RAD17: variants seen among roughly 807,000 people sequenced by gnomAD.
RAD17 encodes cell cycle checkpoint protein RAD17.
RAD17 carries 31 observed loss-of-function variants against 81.5 expected under a neutral mutation model. That is an observed-to-expected ratio of 0.38 (90% confidence interval 0.29 to 0.51). The LOEUF (loss-of-function observed/expected upper bound fraction) is 0.51. Among genes scored for constraint, RAD17 ranks in the 20% least tolerant of loss-of-function variants. The pLI is 0.88. For synonymous variants in RAD17, 261 were observed against 266.2 expected, an observed-to-expected ratio of 0.98 and a Z score of 0.19; for missense variants, 681 against 781.2, an observed-to-expected ratio of 0.87 and a Z score of 1.53.
At chr5:69,391,402 A>AT (rs1331935827) in intron 12 of RAD17, among the ~76,000 whole-genome samples, 1 of 152,280 alleles carries the variant, frequency 6.6e-6, no homozygotes, top group Admixed American at 6.5e-5. Flanking sequence ...AGGATTGCAG[A>AT]TTTTTTTAAG....
In RAD17 at chr5:69,377,600, T is replaced by TATATATGTATACATATATATGC. The variant is rs1554038760; in HGVS notation, c.351+2895_351+2896insGTATACATATATATGCATATAT. ...ATATATGTATACATATATATATGCA[T>TATATATGTATACATATATATGC]ATATATATGTATACATATATATGCA... On this transcript the variant is annotated intron_variant, in intron 6 of 18. Coordinates refer to ENST00000354868, the MANE Select transcript of RAD17 (RefSeq NM_133338.3). Among the ~76,000 whole-genome samples the TATATATGTATACATATATATGC allele has an allele frequency of 8.0e-3, 57 of 7,102 alleles. 13 individuals are homozygous for TATATATGTATACATATATATGC. The highest frequency in any genetic ancestry group is 0.018 in the Non-Finnish European group (26 of 1,452). 4.7% of individuals were successfully genotyped at this position (7,102 alleles called of 152,430 possible).
upstream of RAD17, chr5:69,369,443 T>C (rs1321406499): frequency 3.1e-6 from 5 of 1,608,502 alleles, no homozygotes; most frequent in African/African-American, 6.7e-5. Context: ...GCCCAGTCCC[T>C]CCCGGCCGCG....
intron 17 of RAD17, among the ~76,000 whole-genome samples, chr5:69,401,549 G>A (rs1261848984): frequency 2.0e-5 from 3 of 152,080 alleles, no homozygotes; most frequent in Non-Finnish European, 2.9e-5. Context: ...ACATTACTAT[G>A]CCTGTGGCAG....
rs1762981203 is a variant in RAD17 at position 69,371,436 on chromosome 5, T to TTCCCC, written c.-279-18_-279-17insTCCCC. The TTCCCC allele has an allele frequency of 7.1e-6, 2 of 282,838 alleles. No individual in the cohort carries two copies. Among genetic ancestry groups the TTCCCC allele is most frequent in the Admixed American group, 4.5e-5 (1 of 22,018 alleles). The allele number at this position is 282,838 out of a possible 1,614,324, so 17.5% of individuals were successfully genotyped here. A position where few individuals can be genotyped will look rare whatever the true frequency, so the allele number is the denominator to read the frequency against. On this transcript the variant is annotated splice_polypyrimidine_tract_variant and intron_variant, in intron 2 of 18. Transcript: ENST00000354868. ...AGTTTTTCTTCATTTGAGGGCTTCTTCCCCCCCCCCCCCCCAGGTGAATTA... is the reference window on the plus strand; with the variant it reads ...AGTTTTTCTTCATTTGAGGGCTTCTTTCCCCCCCCCCCCCCCCCCCAGGTGAATTA...
At chr5:69,371,010 T>G (rs1395310684) in intron 1 of RAD17, 25 bp from the exon 2 acceptor site, 1 of 237,980 alleles carries the variant, frequency 4.2e-6, no homozygotes, top group African/African-American at 2.3e-5. Flanking sequence ...TTTTACAGTT[T>G]AAGACTTAAA....
rs1561239425 is a variant in RAD17, at chr5:69,377,550, C to CGTATATATATGCAT, written c.351+2839_351+2840insGTATATATATGCAT. On this transcript the variant is annotated intron_variant, in intron 6 of 18. Transcript: ENST00000354868. ...ATGTGTATATATACGTATATATATG[C>CGTATATATATGCAT]ATATATATGTATATATATATGCATA... Among the ~76,000 whole-genome samples the CGTATATATATGCAT allele has an allele frequency of 3.9e-4, 2 of 5,106 alleles. 1 individual carries two copies. Among genetic ancestry groups the CGTATATATATGCAT allele is most frequent in the African/African-American group, 8.6e-4 (2 of 2,328 alleles). The allele number at this position is 5,106 out of a possible 152,430, so 3.3% of individuals were successfully genotyped here. A position where few individuals can be genotyped will look rare whatever the true frequency, so the allele number is the denominator to read the frequency against.
Position 69,374,640 on chromosome 5 carries a change from G to A in RAD17, c.280G>A (p.Val94Met), listed in dbSNP as rs1322163031. The A allele has an allele frequency of 1.9e-6, 3 of 1,609,680 alleles. No individual in the cohort carries two copies. In the East Asian group the frequency reaches 6.7e-5, roughly 36 times the overall value. ...ATTTTTGTTGTAGCATGAACTTGCT[G>A]TGCATAAAAAGAAAATTGAAGAAGT... ...YKPETQHELA[V>M]HKKKIEEVET... The change falls in exon 6 of 19, where the codon GTG becomes ATG. Residue 94 changes from valine (V) to methionine (M), a missense_variant. Coordinates refer to ENST00000354868, the MANE Select transcript of RAD17 (RefSeq NM_133338.3).
At chr5:69,389,672 G>T (rs958977217) in intron 12 of RAD17, among the ~76,000 whole-genome samples, 1 of 152,180 alleles carries the variant, frequency 6.6e-6, no homozygotes, top group Non-Finnish European at 1.5e-5. Context: ...ACGGAGTCTC[G>T]CTCTGCCGCC....
rs1762983340 is a variant in RAD17, at chr5:69,371,439, C to G, written c.-279-15C>G. ...TTTTCTTCATTTGAGGGCTTCTTCC[C>G]CCCCCCCCCCCCAGGTGAATTATAG... On this transcript the variant is annotated splice_polypyrimidine_tract_variant and intron_variant, in intron 2 of 18. Transcript: ENST00000354868. 2 of 3,718 alleles carry G rather than the reference C, an allele frequency of 5.4e-4. No homozygotes were observed. The highest frequency in any genetic ancestry group is 9.0e-3 in the Non-Finnish European group (2 of 222). 0.2% of individuals were successfully genotyped at this position (3,718 alleles called of 1,614,324 possible).
Position 69,373,842 on chromosome 5 carries a change from G to A in RAD17, c.22G>A (p.Val8Ile). The change falls in exon 5 of 19, where the codon GTT (valine) becomes ATT (isoleucine). Residue 8 changes from valine (V) to isoleucine (I), a missense_variant. Transcript: ENST00000354868. MNQVTDW[V>I]DPSFDDFLEC... is the part of the protein sequence containing the mutation. Reference sequence around the variant, plus strand: ...CTTTTTTTTTCAGGTAACAGACTGGGTTGACCCATCATTTGATGATTTTCT... The same window carrying A: ...CTTTTTTTTTCAGGTAACAGACTGGATTGACCCATCATTTGATGATTTTCT... 2 of 1,608,030 alleles carry A rather than the reference G, an allele frequency of 1.2e-6. No homozygotes were observed. Among genetic ancestry groups the A allele is most frequent in the East Asian group, 4.5e-5 (2 of 44,778 alleles).
intron 16 of RAD17, 135 bp from the exon 17 acceptor site, chr5:69,399,914 T>A (rs1476506690): frequency 5.9e-6 from 3 of 504,606 alleles, no homozygotes; most frequent in Non-Finnish European, 9.8e-6. Flanking sequence ...CTATTAAAAG[T>A]ATATTTGTGA....
upstream of RAD17, chr5:69,369,739 G>A (rs1449149640): frequency 2.0e-6 from 3 of 1,536,770 alleles, no homozygotes; most frequent in African/African-American, 2.7e-5. Context: ...GCAGTGCGCT[G>A]GATGCCTAAG....
At chr5:69,376,242 A>C (rs767668451) in intron 6 of RAD17, among the ~76,000 whole-genome samples, 2 of 152,196 alleles carry the variant, frequency 1.3e-5, no homozygotes, top group Non-Finnish European at 1.5e-5. Flanking sequence ...GTGAGTGCCC[A>C]GTTCTCCATC....
chr5:69,377,439 GTATATATATATATA>G (rs373632198), intron 6 of RAD17, among the ~76,000 whole-genome samples: 3,110 of 55,434 alleles, frequency 0.056, 210 homozygotes, highest in Non-Finnish European at 0.069. Context: ...GTGTGTGTGT[GTATATATATATATA>G]TATATATATA....
chr5:69,369,501 G>C (rs1444832656), upstream of RAD17: 1 of 1,611,330 alleles, frequency 6.2e-7, no homozygotes, highest in East Asian at 2.2e-5. Context: ...GGTCCCCGCC[G>C]CGACGGCTTC....
intron 17 of RAD17, among the ~76,000 whole-genome samples, chr5:69,405,311 G>A (rs1292869672): frequency 6.6e-6 from 1 of 151,040 alleles, no homozygotes; most frequent in African/African-American, 2.4e-5. Context: ...AGAGCAGCCT[G>A]GCAACATAGT....
intron 5 of RAD17, 95 bp downstream of exon 5, chr5:69,374,182 A>G: frequency 7.1e-6 from 8 of 1,122,578 alleles, no homozygotes; most frequent in South Asian, 1.6e-5. Context: ...CAGATTTTTT[A>G]CTCATAAGAA....
chr5:69,393,542 C>A (rs750036181), intron 15 of RAD17, 42 bp downstream of exon 15: 3 of 1,521,590 alleles, frequency 2.0e-6, no homozygotes, highest in Non-Finnish European at 1.8e-6. Flanking sequence ...TATAGTATTT[C>A]CTTAGAATTA....
intron 12 of RAD17, among the ~76,000 whole-genome samples, chr5:69,389,683 C>T (rs974477920): frequency 4.6e-5 from 7 of 152,340 alleles, no homozygotes; most frequent in East Asian, 1.9e-4. Context: ...CTCTGCCGCC[C>T]GGGCTGGAGT....
Sources: allele counts gnomAD v4.1 joint callset (sites outside exome capture counted in the v4.1 genomes callset), GRCh38; gene constraint gnomAD v4.1.1; transcripts MANE v1.5; gene names NCBI Gene and HGNC (gene_info 2026-07-23, HGNC 2026-07-21).